Variants in SPRYD7 observed in about 807,000 individuals in gnomAD.
SPRYD7 encodes SPRY domain-containing protein 7.
In SPRYD7, 14 loss-of-function variants were observed where a neutral mutation model predicts 23.8. That is an observed-to-expected ratio of 0.59 (90% CI 0.39 to 0.92). The LOEUF (loss-of-function observed/expected upper bound fraction) is 0.92, where lower values mean the gene tolerates loss of function less well. SPRYD7 is among the 40% of genes least tolerant of loss of function. SPRYD7 has a pLI of 0.00. For missense variants in SPRYD7, 194 were observed against 241.7 expected, an observed-to-expected ratio of 0.80 and a Z score of 1.31; for synonymous variants, 75 against 84.9, an observed-to-expected ratio of 0.88 and a Z score of 0.64.
At chr13:49,931,758 G>A (rs1316450452) in intron 1 of SPRYD7, among the ~76,000 whole-genome samples, 1 of 152,060 alleles carries the variant, frequency 6.6e-6, no homozygotes, top group Non-Finnish European at 1.5e-5. Context: ...AGACCAGCCT[G>A]GGCAACCTTG....
At chr13:49,930,980 A>T (rs1955941123) in intron 2 of SPRYD7, 38 bp downstream of exon 2, 1 of 1,265,002 alleles carries the variant, frequency 7.9e-7, no homozygotes, top group Non-Finnish European at 1.1e-6. Context: ...TATTTAGAAC[A>T]ATTAGGACTT....
chr13:49,920,689 G>A (rs889854913), intron 4 of SPRYD7, among the ~76,000 whole-genome samples: 6 of 152,036 alleles, frequency 3.9e-5, no homozygotes, highest in Non-Finnish European at 5.9e-5. Context: ...GGCTGGGCAC[G>A]GTGACTTATA....
At chr13:49,923,591 T>C (rs543044467) in intron 3 of SPRYD7, among the ~76,000 whole-genome samples, 1 of 152,178 alleles carries the variant, frequency 6.6e-6, no homozygotes, top group South Asian at 2.1e-4. Flanking sequence ...AAAATCCCAG[T>C]ACCAAAGAAG....
chr13:49,921,299 A>T (rs1203892128), intron 4 of SPRYD7, among the ~76,000 whole-genome samples, 179 bp downstream of exon 4: 18 of 152,176 alleles, frequency 1.2e-4, no homozygotes, highest in Admixed American at 1.2e-3. Flanking sequence ...CCCTTCCGCC[A>T]TGATTGTAAG....
chr13:49,922,924 C>T (rs1955836992), intron 3 of SPRYD7, among the ~76,000 whole-genome samples: 1 of 152,044 alleles, frequency 6.6e-6, no homozygotes, highest in Admixed American at 6.6e-5. Flanking sequence ...GAAAGATTCT[C>T]AATTCTTAGC....
intron 2 of SPRYD7, among the ~76,000 whole-genome samples, chr13:49,930,655 T>C (rs1339092534): frequency 6.6e-6 from 1 of 152,186 alleles, no homozygotes; most frequent in African/African-American, 2.4e-5. Flanking sequence ...CAAGAGTATA[T>C]GCTGCTTATA....
At position 49,914,766 on chromosome 13, in the gene SPRYD7, G is replaced by T. The variant is rs1163822972; in HGVS notation, c.*297C>A. 1 of 159,772 alleles carries T rather than the reference G, an allele frequency of 6.3e-6. No homozygotes were observed. Among genetic ancestry groups the T allele is most frequent in the East Asian group, 1.8e-4 (1 of 5,654 alleles). 9.9% of individuals were successfully genotyped at this position (159,772 alleles called of 1,614,324 possible). The stretch of plus-strand genomic sequence containing the variant: ...CAAAACAAATATATTATGTAAGAAA[G>T]AATTCCCTTTAAATATATATGTATA... On this transcript the variant is annotated 3_prime_UTR_variant, in exon 5 of 5. Coordinates refer to ENST00000361840, the MANE Select transcript of SPRYD7 (RefSeq NM_020456.4).
At chr13:49,928,207 C>A in intron 2 of SPRYD7, 122 bp from the exon 3 acceptor site, 1 of 826,316 alleles carries the variant, frequency 1.2e-6, no homozygotes, top group Non-Finnish European at 1.8e-6. Context: ...TTTTCTATTA[C>A]TCTTTTTAAA....
Position 49,936,002 on chromosome 13 carries a change from G to A in SPRYD7, c.106+128C>T, listed in dbSNP as rs1594521552. ...CGGCTTCTGGAGAGATCTGCGAGAC[G>A]AAATGGTGTCGGCGCAGCGTCGCCG... On this transcript the variant is annotated intron_variant, in intron 1 of 4. Coordinates refer to ENST00000361840, the MANE Select transcript of SPRYD7 (RefSeq NM_020456.4). 3.8e-6 allele frequency: 2 copies of A among 532,850 alleles called. 1 individual carries two copies. Among genetic ancestry groups the A allele is most frequent in the South Asian group, 5.8e-5 (2 of 34,298 alleles). 33.0% of individuals were successfully genotyped at this position (532,850 alleles called of 1,614,324 possible). A position where few individuals can be genotyped will look rare whatever the true frequency, so the allele number is the denominator to read the frequency against.
intron 3 of SPRYD7, among the ~76,000 whole-genome samples, chr13:49,924,133 C>A (rs1955851820): frequency 6.6e-6 from 1 of 152,104 alleles, no homozygotes; most frequent in South Asian, 2.1e-4. Flanking sequence ...CAGGCATGCA[C>A]CACTACGCCT....
chr13:49,925,093 C>T (rs35097494), intron 3 of SPRYD7, among the ~76,000 whole-genome samples: 3,303 of 151,736 alleles, frequency 0.022, 75 homozygotes, highest in Non-Finnish European at 0.038. Flanking sequence ...TAGAGCAGTG[C>T]CCATAATAAA....
chr13:49,918,403 CTT>C (rs11436488), intron 4 of SPRYD7, among the ~76,000 whole-genome samples: 1 of 143,052 alleles, frequency 7.0e-6, no homozygotes, highest in East Asian at 2.0e-4. Context: ...TAAATTAGTT[CTT>C]TTTTTTTTTT....
Position 49,928,926 on chromosome 13 carries a change from C to A in SPRYD7, c.224-841G>T, listed in dbSNP as rs186766516. Among the ~76,000 whole-genome samples, 13 of 152,296 alleles carry A rather than the reference C, an allele frequency of 8.5e-5. No homozygotes were observed. The East Asian group carries it at 2.3e-3, about 27-fold the overall frequency. ...AAACAATATATACCATAAGCAATAT[C>A]ATGGAGAGGAGAAATTAACAATAAG... On this transcript the variant is annotated intron_variant, in intron 2 of 4. Transcript: ENST00000361840.
In SPRYD7 at chr13:49,928,091, A is replaced by T. The variant is rs754805659; in HGVS notation, c.224-6T>A. On this transcript the variant is annotated splice_region_variant and splice_polypyrimidine_tract_variant and intron_variant, in intron 2 of 4. Transcript: ENST00000361840. ...AACACCAATACCCCAGATTCCTAAA[A>T]ATATAACAGTTTAAATGCCCTCAAA... The T allele has an allele frequency of 1.2e-6, 2 of 1,612,650 alleles. No homozygotes were observed. The highest frequency in any genetic ancestry group is 8.5e-7 in the Non-Finnish European group (1 of 1,179,364).
chr13:49,921,942 C>T (rs902068991), intron 3 of SPRYD7, among the ~76,000 whole-genome samples: 2 of 152,138 alleles, frequency 1.3e-5, no homozygotes, highest in African/African-American at 2.4e-5. Context: ...TCTTTCTCTA[C>T]AGAATTTGAT....
At chr13:49,920,932 G>A (rs765642777) in intron 4 of SPRYD7, among the ~76,000 whole-genome samples, 4 of 152,148 alleles carry the variant, frequency 2.6e-5, no homozygotes, top group Non-Finnish European at 5.9e-5. Context: ...CTGCACTCCA[G>A]CCTGGGTGAC....
rs138435129 is a variant in SPRYD7, at chr13:49,936,228, G to C, written c.8C>G (p.Thr3Ser). 3.7e-6 allele frequency: 6 copies of C among 1,602,742 alleles called. No homozygotes were observed. Among genetic ancestry groups the C allele is most frequent in the Non-Finnish European group, 5.1e-6 (6 of 1,177,100 alleles). Residue 3 changes from threonine to serine, a missense_variant, in exon 1 of 5, where the codon ACC becomes AGC. Physicochemically the swap from Thr to Ser is moderately conservative, Grantham distance 58 (BLOSUM62 1). Coordinates refer to ENST00000361840, the MANE Select transcript of SPRYD7 (RefSeq NM_020456.4). ...GCACCGCAGGCAGCACAACACCGAG[G>C]TGGCCATCGCGCAGGGACCACCGAC... is the stretch of plus-strand genomic sequence containing the variant. MATSVLCCLRCCR... is the reference protein window; with the variant it reads MASSVLCCLRCCR...
chr13:49,931,117 C>T lies in SPRYD7; in HGVS notation c.124G>A (p.Val42Ile), dbSNP rs1262629108. Residue 42 changes from valine (V) to isoleucine (I), a missense_variant, in exon 2 of 5, where the codon GTA becomes ATA. By Grantham distance (29) the Val-to-Ile change is conservative (BLOSUM62 3). Transcript: ENST00000361840. The part of the protein sequence containing the change: ...TQHMGTDVVI[V>I]KNGRRICGTG... ...CCACATATTCTTCTTCCATTCTTTA[C>T]AATAACAACATCTGTTCCTAAACAA... 1.9e-6 allele frequency: 3 copies of T among 1,609,406 alleles called. No individual in the cohort carries two copies. Among genetic ancestry groups the T allele is most frequent in the East Asian group, 2.2e-5 (1 of 44,830 alleles).
At chr13:49,915,746 G>A (rs1195234062) in intron 4 of SPRYD7, among the ~76,000 whole-genome samples, 2 of 152,070 alleles carry the variant, frequency 1.3e-5, no homozygotes, top group South Asian at 2.1e-4. Flanking sequence ...ATTTTCAAAC[G>A]TTCACAATAG....
Sources: gnomAD v4.1 joint callset for allele counts (sites outside exome capture counted in the v4.1 genomes callset) on GRCh38, gnomAD v4.1.1 for gene constraint, MANE v1.5 for transcripts, NCBI Gene and HGNC (gene_info 2026-07-23, HGNC 2026-07-21) for gene names.